OR2C1: variants seen among roughly 807,000 people sequenced by gnomAD.
The protein encoded by OR2C1 is olfactory receptor 2C1.
For synonymous variants in OR2C1, 209 were observed against 167.3 expected (o/e 1.25, Z -1.92); for missense variants, 468 against 388.3 (o/e 1.21, Z -1.73).
At chr16:3,337,862 G>T in the OR2C1 span, among the ~76,000 whole-genome samples, 10 of 152,264 alleles carry the variant, frequency 6.6e-5, 1 homozygote, top group South Asian at 2.1e-3. Context: ...GGTCTTCTCT[G>T]TCTGGCTTGC....
chr16:3,351,654 G>A (rs775599190), upstream of OR2C1, among the ~76,000 whole-genome samples: 3 of 151,964 alleles, frequency 2.0e-5, no homozygotes, highest in African/African-American at 4.8e-5. Context: ...TAAGACCCTC[G>A]GATAAGGAAT....
chr16:3,357,729 C>T (rs1260256293), downstream of OR2C1, among the ~76,000 whole-genome samples: 1 of 152,126 alleles, frequency 6.6e-6, no homozygotes, highest in Non-Finnish European at 1.5e-5. Flanking sequence ...CACCTGTAAT[C>T]CCAGCACTTT....
chr16:3,338,695 G>T, the OR2C1 span, among the ~76,000 whole-genome samples: 4 of 151,992 alleles, frequency 2.6e-5, no homozygotes, highest in Non-Finnish European at 2.9e-5. Flanking sequence ...CCGCCAGCAC[G>T]CCTGGCTAAT....
chr16:3,352,475 C>T (rs2030587813), upstream of OR2C1, among the ~76,000 whole-genome samples: 1 of 152,100 alleles, frequency 6.6e-6, no homozygotes, highest in Non-Finnish European at 1.5e-5. Flanking sequence ...TGTTTTTAAA[C>T]TTATGAGTTT....
rs781063420 is a variant in OR2C1 at position 3,356,894 on chromosome 16, G to A, written c.*15G>A. On this transcript the variant is annotated 3_prime_UTR_variant, in exon 1 of 1. Coordinates refer to ENST00000304936, the MANE Select transcript of OR2C1 (RefSeq NM_012368.3). ...AAGTTGGCTGAGAGAACACTCCTTCGTTATTTATTGCGTCTTCATCTCTAC... is the reference window on the plus strand; with the variant it reads ...AAGTTGGCTGAGAGAACACTCCTTCATTATTTATTGCGTCTTCATCTCTAC... 7 of 1,530,632 alleles carry A rather than the reference G, an allele frequency of 4.6e-6. No individual in the cohort carries two copies. Among genetic ancestry groups the A allele is most frequent in the South Asian group, 3.8e-5 (3 of 79,052 alleles). The allele number at this position is 1,530,632 out of a possible 1,614,324, so 94.8% of individuals were successfully genotyped here.
the OR2C1 span, among the ~76,000 whole-genome samples, chr16:3,330,678 A>T: frequency 6.6e-6 from 1 of 152,162 alleles, no homozygotes. Flanking sequence ...TAATTAGTAT[A>T]TCTGTCACAT....
At chr16:3,343,222 A>G in the OR2C1 span, among the ~76,000 whole-genome samples, 1 of 152,296 alleles carries the variant, frequency 6.6e-6, no homozygotes, top group East Asian at 1.9e-4. Context: ...CTATGCACAT[A>G]CACACACAAA....
At chr16:3,348,421 G>T in the OR2C1 span, among the ~76,000 whole-genome samples, 1 of 152,174 alleles carries the variant, frequency 6.6e-6, no homozygotes, top group African/African-American at 2.4e-5. Context: ...CAGTTTACTA[G>T]CCATTTGCCC....
Position 3,356,802 on chromosome 16 carries a change from C to G in OR2C1, c.862C>G (p.Leu288Val), listed in dbSNP as rs2030688137. 3.1e-6 allele frequency: 5 copies of G among 1,598,074 alleles called. No homozygotes were observed. Among genetic ancestry groups the G allele is most frequent in the Non-Finnish European group, 4.3e-6 (5 of 1,171,000 alleles). The change falls in exon 1 of 1, where the codon CTC becomes GTC. Residue 288 changes from leucine to valine, a missense_variant. By Grantham distance (32) the Leu-to-Val change is conservative. Transcript: ENST00000304936. ...YSLVTPMVNP[L>V]IYTLRNMEVK... The stretch of plus-strand genomic sequence containing the variant: ...GTTGGTCACACCCATGGTGAATCCC[C>G]TCATCTACACGCTGCGGAACATGGA...
chr16:3,330,125 G>A, the OR2C1 span, among the ~76,000 whole-genome samples: 1 of 151,514 alleles, frequency 6.6e-6, no homozygotes, highest in East Asian at 1.9e-4. Context: ...GTTTTGTTTT[G>A]AGATGGTGTC....
upstream of OR2C1, among the ~76,000 whole-genome samples, chr16:3,353,782 C>T (rs892534733): frequency 2.0e-5 from 3 of 151,662 alleles, no homozygotes; most frequent in African/African-American, 4.9e-5. Flanking sequence ...GCCTGGGTGA[C>T]ACTGCTAGAC....
chr16:3,341,822 T>G, the OR2C1 span, among the ~76,000 whole-genome samples: 96 of 152,282 alleles, frequency 6.3e-4, no homozygotes, highest in African/African-American at 2.3e-3. Flanking sequence ...GCGCGATTGA[T>G]TATTAGCTCC....
chr16:3,350,951 G>A (rs941953564), upstream of OR2C1, among the ~76,000 whole-genome samples: 11 of 150,076 alleles, frequency 7.3e-5, no homozygotes, highest in Non-Finnish European at 4.4e-5. Context: ...TGAGGCGGGA[G>A]GATTGCTTCA....
the OR2C1 span, among the ~76,000 whole-genome samples, chr16:3,334,373 T>C: frequency 3.3e-5 from 5 of 151,446 alleles, no homozygotes; most frequent in Non-Finnish European, 5.9e-5. Flanking sequence ...CTTGACCTTG[T>C]GATCCGCCTG....
chr16:3,351,220 CT>C (rs779814781), upstream of OR2C1, among the ~76,000 whole-genome samples: 5,542 of 18,544 alleles, frequency 0.3, 225 homozygotes, highest in South Asian at 0.4. Flanking sequence ...TTTTCTTTTT[CT>C]TTTTCTTTTT....
chr16:3,328,955 C>T, the OR2C1 span, among the ~76,000 whole-genome samples: 1 of 150,664 alleles, frequency 6.6e-6, no homozygotes, highest in Non-Finnish European at 1.5e-5. Context: ...GTAAACACAA[C>T]ACATGAAATA....
the OR2C1 span, among the ~76,000 whole-genome samples, chr16:3,345,060 AAT>A: frequency 6.6e-6 from 1 of 152,204 alleles, no homozygotes; most frequent in East Asian, 1.9e-4. Flanking sequence ...GGACAAATAA[AAT>A]ATGATAGATG....
chr16:3,354,142 C>A (rs1422842553), upstream of OR2C1, among the ~76,000 whole-genome samples: 1 of 152,018 alleles, frequency 6.6e-6, no homozygotes, highest in African/African-American at 2.4e-5. Flanking sequence ...CGCCACCATG[C>A]CCGACAAATT....
upstream of OR2C1, among the ~76,000 whole-genome samples, chr16:3,353,813 AGAAG>A (rs113702538): frequency 1.1e-3 from 163 of 151,820 alleles, no homozygotes; most frequent in East Asian, 0.012. Context: ...AAAAAGAGAA[AGAAG>A]GAAGGAAGGA....
Sources: allele counts gnomAD v4.1 joint callset (sites outside exome capture counted in the v4.1 genomes callset), GRCh38; gene constraint gnomAD v4.1.1; transcripts MANE v1.5; gene names NCBI Gene and HGNC (gene_info 2026-07-23, HGNC 2026-07-21).